MUC3A: variants seen among roughly 807,000 people sequenced by gnomAD.
MUC3A encodes mucin 3A, cell surface associated, also known as mucin-3A.
In MUC3A, 109 loss-of-function variants were observed where a neutral mutation model predicts 109.0. The observed-to-expected ratio is 1.00, with a 90% CI of 0.86 to 1.17. The LOEUF (loss-of-function observed/expected upper bound fraction) is 1.17, where lower values mean the gene tolerates loss of function less well. MUC3A is among the 50% of genes most tolerant of loss of function. MUC3A has a pLI of 0.00. For missense variants in MUC3A, 3,537 were observed against 2,469.4 expected, an observed-to-expected ratio of 1.43 and a Z score of -9.16; for synonymous variants, 1,398 against 981.4, an observed-to-expected ratio of 1.42 and a Z score of -7.93.
At position 100,959,491 on chromosome 7, in the gene MUC3A, T is replaced by C. The variant is rs753906068; in HGVS notation, c.7712T>C (p.Val2571Ala). ...TPISSFSTSI[V>A]VIPETPTQTP... is the part of the protein sequence containing the mutation. ...ATCAGTTCCTTTAGCACAAGTATTGTTGTTATACCTGAAACCCCAACACAG... is the reference window on the plus strand; with the variant it reads ...ATCAGTTCCTTTAGCACAAGTATTGCTGTTATACCTGAAACCCCAACACAG... Residue 2571 changes from valine to alanine, a missense_variant, in exon 2 of 12, where the codon GTT becomes GCT. Physicochemically the swap from Val to Ala is moderately conservative, Grantham distance 64. Transcript: ENST00000379458. 63 of 1,585,072 alleles carry C rather than the reference T, an allele frequency of 4.0e-5. No homozygotes were observed. The highest frequency in any genetic ancestry group is 5.4e-5 in the Non-Finnish European group (63 of 1,174,524).
At position 100,963,766 on chromosome 7, in the gene MUC3A, C is replaced by A; in HGVS notation, c.9233+14C>A. On this transcript the variant is annotated intron_variant, in intron 5 of 11. Transcript: ENST00000379458. ...CCTGTCCCTGAGGTAGGAGACCCATCTGGGGATGCGGAGGCGGTGTTGGGT... is the reference window on the plus strand; with the variant it reads ...CCTGTCCCTGAGGTAGGAGACCCATATGGGGATGCGGAGGCGGTGTTGGGT... 1 of 1,598,578 alleles carries A rather than the reference C, an allele frequency of 6.3e-7. No individual in the cohort carries two copies. Among genetic ancestry groups the A allele is most frequent in the Non-Finnish European group, 8.5e-7 (1 of 1,179,826 alleles).
chr7:100,955,852 C>G lies in MUC3A; in HGVS notation c.4073C>G (p.Ala1358Gly). ...TGQTTFPSST[A>G]TFLETTTLTP... ...CAGACCACCTTCCCCAGCTCTACAGCCACATTCCTTGAGACCACCACACTG... is the reference window on the plus strand; with the variant it reads ...CAGACCACCTTCCCCAGCTCTACAGGCACATTCCTTGAGACCACCACACTG... Residue 1358 changes from alanine (A) to glycine (G), a missense_variant, in exon 2 of 12, where the codon GCC (alanine) becomes GGC (glycine). Transcript: ENST00000379458. 1 of 473,468 alleles carries G rather than the reference C, an allele frequency of 2.1e-6. No homozygotes were observed. Among genetic ancestry groups the G allele is most frequent in the South Asian group, 5.1e-5 (1 of 19,580 alleles). The allele number at this position is 473,468 out of a possible 1,614,324, so 29.3% of individuals were successfully genotyped here.
At position 100,959,678 on chromosome 7, in the gene MUC3A, C is replaced by T; in HGVS notation, c.7899C>T (p.Ser2633=). ...CAACATCACAGGTTCCTATTCCTAGCACACATTCCTCCACCCTTCAAACAA... is the reference window on the plus strand; with the variant it reads ...CAACATCACAGGTTCCTATTCCTAGTACACATTCCTCCACCCTTCAAACAA... ...IVSTSQVPIP[S]THSSTLQTTP... The change falls in exon 2 of 12, where the codon AGC becomes AGT. Residue 2633 remains serine, a synonymous_variant. Coordinates refer to ENST00000379458, the MANE Select transcript of MUC3A (RefSeq NM_005960.2). The T allele has an allele frequency of 6.3e-7, 1 of 1,598,530 alleles. No individual in the cohort carries two copies.
rs1043941143 is a variant in MUC3A, at chr7:100,954,655, T to C, written c.2876T>C (p.Met959Thr). ...TTTSFTTSTM[M>T]EPPSSTVSTT... ...ACCTCATTTACCACATCCACAATGA[T>C]GGAACCACCTTCATCCACTGTATCA... The change falls in exon 2 of 12, where the codon ATG (methionine) becomes ACG (threonine). Residue 959 changes from methionine to threonine, a missense_variant. By Grantham distance (81) the Met-to-Thr change is moderately conservative (BLOSUM62 -1). Transcript: ENST00000379458. The C allele has an allele frequency of 1.3e-5, 5 of 395,444 alleles. No homozygotes were observed. The highest frequency in any genetic ancestry group is 2.2e-5 in the Non-Finnish European group (5 of 225,488). 24.5% of individuals were successfully genotyped at this position (395,444 alleles called of 1,614,324 possible).
chr7:100,951,568 T>C (rs77073976), intron 1 of MUC3A, among the ~76,000 whole-genome samples: 1 of 348 alleles, frequency 2.9e-3, no homozygotes, highest in South Asian at 0.062. Flanking sequence ...CTCGGCTATA[T>C]CAGGACAGGA....
chr7:100,955,872 A>G lies in MUC3A; in HGVS notation c.4093A>G (p.Thr1365Ala). Reference sequence around the variant, plus strand: ...TACAGCCACATTCCTTGAGACCACCACACTGACTCCTACAACTGACTTTTC... The same window carrying G: ...TACAGCCACATTCCTTGAGACCACCGCACTGACTCCTACAACTGACTTTTC... Reference protein sequence around the residue: ...SSTATFLETTTLTPTTDFSTE... With the variant: ...SSTATFLETTALTPTTDFSTE... The change falls in exon 2 of 12, where the codon ACA becomes GCA. Residue 1365 changes from threonine (T) to alanine (A), a missense_variant. Transcript: ENST00000379458. 2.2e-6 allele frequency: 1 copy of G among 460,914 alleles called. No homozygotes were observed. Among genetic ancestry groups the G allele is most frequent in the Non-Finnish European group, 3.8e-6 (1 of 262,710 alleles). The allele number at this position is 460,914 out of a possible 1,614,324, so 28.6% of individuals were successfully genotyped here.
intron 7 of MUC3A, 41 bp downstream of exon 7, chr7:100,965,388 T>C: frequency 6.3e-7 from 1 of 1,582,230 alleles, no homozygotes; most frequent in Non-Finnish European, 8.5e-7. Flanking sequence ...CCCGCGGCTA[T>C]GATCCGGGCT....
rs1443763215 is a variant in MUC3A at position 100,955,587 on chromosome 7, G to T, written c.3808G>T (p.Asp1270Tyr). ...PSLRPTITST[D>Y]STLTSSLLTT... is the part of the protein sequence containing the mutation. Reference sequence around the variant, plus strand: ...TTTGAGACCAACTATCACAAGTACTGACAGCACTCTAACAAGTTCCCTCCT... The same window carrying T: ...TTTGAGACCAACTATCACAAGTACTTACAGCACTCTAACAAGTTCCCTCCT... The change falls in exon 2 of 12, where the codon GAC becomes TAC. Residue 1270 changes from aspartate (D) to tyrosine (Y), a missense_variant. Physicochemically the swap from Asp to Tyr is radical, Grantham distance 160. Coordinates refer to ENST00000379458, the MANE Select transcript of MUC3A (RefSeq NM_005960.2). 2.6e-6 allele frequency: 1 copy of T among 383,574 alleles called. No homozygotes were observed. Among genetic ancestry groups the T allele is most frequent in the South Asian group, 7.6e-5 (1 of 13,238 alleles). 23.8% of individuals were successfully genotyped at this position (383,574 alleles called of 1,614,324 possible).
rs776993664 is a variant in MUC3A at position 100,965,865 on chromosome 7, C to G, written c.9610C>G (p.Arg3204Gly). The G allele has an allele frequency of 1.3e-6, 2 of 1,590,852 alleles. No homozygotes were observed. The highest frequency in any genetic ancestry group is 1.7e-6 in the Non-Finnish European group (2 of 1,174,600). Residue 3204 changes from arginine (R) to glycine (G), a missense_variant and splice_region_variant, in exon 8 of 12, where the codon CGC becomes GGC. Coordinates refer to ENST00000379458, the MANE Select transcript of MUC3A (RefSeq NM_005960.2). ...CVLETSGPTCRCYSTDTHWFS... is the reference protein window; with the variant it reads ...CVLETSGPTCGCYSTDTHWFS... The stretch of plus-strand genomic sequence containing the variant: ...TCTGGAGACGAGCGGTCCCACGTGT[C>G]GGTAAGGCCCCGCTCACCATCGGCA...
rs1792568615 is a variant in MUC3A, at chr7:100,966,526, G to C, written c.9752G>C (p.Arg3251Pro). The change falls in exon 9 of 12, where the codon CGC becomes CCC. Residue 3251 changes from arginine to proline, a missense_variant. Transcript: ENST00000379458. ...CTGGCGCTGGGCGTCCGGGCGGTGC[G>C]CTCCGGATGGTGGGGCGGCCAGCGC... ...LLLALGVRAV[R>P]SGWWGGQRRG... is the part of the protein sequence containing the mutation. The C allele has an allele frequency of 7.4e-7, 1 of 1,346,068 alleles. No individual in the cohort carries two copies. The highest frequency in any genetic ancestry group is 9.4e-7 in the Non-Finnish European group (1 of 1,060,108). 83.4% of individuals were successfully genotyped at this position (1,346,068 alleles called of 1,614,324 possible). A position where few individuals can be genotyped will look rare whatever the true frequency, so the allele number is the denominator to read the frequency against.
chr7:100,963,646 C>T (rs1278668662), intron 4 of MUC3A, 42 bp from the exon 5 acceptor site: 1 of 1,598,320 alleles, frequency 6.3e-7, no homozygotes, highest in Non-Finnish European at 8.5e-7. Flanking sequence ...CCCCTCAGGT[C>T]TGCAGGTTCG....
At chr7:100,961,138 C>T (rs1265970104) in intron 3 of MUC3A, 17 of 932,550 alleles carry the variant, frequency 1.8e-5, no homozygotes, top group Non-Finnish European at 2.2e-5. Flanking sequence ...TGGGACTACC[C>T]TCCCTCCTGG....
rs1340811903 is a variant in MUC3A at position 100,959,459 on chromosome 7, C to A, written c.7680C>A (p.Asn2560Lys). 2 of 1,566,410 alleles carry A rather than the reference C, an allele frequency of 1.3e-6. No individual in the cohort carries two copies. Among genetic ancestry groups the A allele is most frequent in the African/African-American group, 1.4e-5 (1 of 73,992 alleles). ...GAATGACCCTCAGAATTACTGAGAACACCCCAATCAGTTCCTTTAGCACAA... is the reference window on the plus strand; with the variant it reads ...GAATGACCCTCAGAATTACTGAGAAAACCCCAATCAGTTCCTTTAGCACAA... ...TVRMTLRITE[N>K]TPISSFSTSI... is the part of the protein sequence containing the mutation. Residue 2560 changes from asparagine (N) to lysine (K), a missense_variant, in exon 2 of 12, where the codon AAC (asparagine) becomes AAA (lysine). Physicochemically the swap from Asn to Lys is moderately conservative, Grantham distance 94. Coordinates refer to ENST00000379458, the MANE Select transcript of MUC3A (RefSeq NM_005960.2).
chr7:100,959,091 G>A lies in MUC3A; in HGVS notation c.7312G>A (p.Glu2438Lys), dbSNP rs79017193. ...AATCACCACCACTGAGACCACCTCAGAGAGTACTCCCAGCCTCAGTTCTTC... is the reference window on the plus strand; with the variant it reads ...AATCACCACCACTGAGACCACCTCAAAGAGTACTCCCAGCCTCAGTTCTTC... Reference protein sequence around the residue: ...SSITTTETTSESTPSLSSSTI... With the variant: ...SSITTTETTSKSTPSLSSSTI... Residue 2438 changes from glutamate to lysine, a missense_variant, in exon 2 of 12, where the codon GAG becomes AAG. By Grantham distance (56) the Glu-to-Lys change is moderately conservative. Transcript: ENST00000379458. 4 of 1,287,064 alleles carry A rather than the reference G, an allele frequency of 3.1e-6. No individual in the cohort carries two copies. In the Admixed American group the frequency reaches 1.0e-4, roughly 34 times the overall value. 79.7% of individuals were successfully genotyped at this position (1,287,064 alleles called of 1,614,324 possible).
rs1792150647 is a variant in MUC3A at position 100,958,135 on chromosome 7, TG to T, written c.6357del (p.Met2119IlefsTer46). 1.9e-6 allele frequency: 1 copy of T among 534,246 alleles called. No individual in the cohort carries two copies. The highest frequency in any genetic ancestry group is 2.4e-5 in the African/African-American group (1 of 41,368). 33.1% of individuals were successfully genotyped at this position (534,246 alleles called of 1,614,324 possible). On this transcript the variant is annotated frameshift_variant, in exon 2 of 12. Transcript: ENST00000379458. LOFTEE classifies it high-confidence loss of function. ...ACTTCCTCAATCACCACCTCTGAGATGCCCTCACACAGTACTCCCAGCTTCA... is the reference window on the plus strand; with the variant it reads ...ACTTCCTCAATCACCACCTCTGAGATCCCTCACACAGTACTCCCAGCTTCA... ...SFTSSITTSEMPSHSTPSFTS... is the reference protein window; with the variant it reads ...SFTSSITTSEXPSHSTPSFTS...
chr7:100,964,530 C>G, intron 5 of MUC3A, 165 bp from the exon 6 acceptor site: 1 of 1,179,814 alleles, frequency 8.5e-7, no homozygotes, highest in African/African-American at 1.5e-5. Flanking sequence ...CAGACCAAGT[C>G]AGGAATGCTG....
chr7:100,953,239 C>G lies in MUC3A; in HGVS notation c.1460C>G (p.Ser487Cys), dbSNP rs1171089286. 1 of 560,390 alleles carries G rather than the reference C, an allele frequency of 1.8e-6. No homozygotes were observed. Among genetic ancestry groups the G allele is most frequent in the Non-Finnish European group, 3.1e-6 (1 of 318,816 alleles). 34.7% of individuals were successfully genotyped at this position (560,390 alleles called of 1,614,324 possible). The change falls in exon 2 of 12, where the codon TCT (serine) becomes TGT (cysteine). Residue 487 changes from serine (S) to cysteine (C), a missense_variant. Physicochemically the swap from Ser to Cys is moderately radical, Grantham distance 112. Transcript: ENST00000379458. ...SSAMSTSVIP[S>C]SPSIQNTETS... Reference sequence around the variant, plus strand: ...GCAATGTCCACGAGTGTCATTCCATCTTCCCCCAGCATTCAGAATACAGAA... The same window carrying G: ...GCAATGTCCACGAGTGTCATTCCATGTTCCCCCAGCATTCAGAATACAGAA...
rs1038348347 is a variant in MUC3A, at chr7:100,953,020, C to T, written c.1241C>T (p.Ser414Phe). ...ACCATCTACTCCACAGTCAGCACAT[C>T]CACAACTGCCATCTCCTCACTTCCC... ...SSTIYSTVST[S>F]TTAISSLPPT... The change falls in exon 2 of 12, where the codon TCC (serine) becomes TTC (phenylalanine). Residue 414 changes from serine to phenylalanine, a missense_variant. Coordinates refer to ENST00000379458, the MANE Select transcript of MUC3A (RefSeq NM_005960.2). The T allele has an allele frequency of 1.8e-5, 28 of 1,563,916 alleles. No individual in the cohort carries two copies. In the Admixed American group the frequency reaches 1.8e-4, roughly 10 times the overall value.
intron 3 of MUC3A, among the ~76,000 whole-genome samples, chr7:100,962,354 G>C (rs549910072): frequency 1.3e-5 from 2 of 152,280 alleles, no homozygotes; most frequent in Non-Finnish European, 2.9e-5. Context: ...GGAGTTCAAG[G>C]CTGCAGTGAG....
Sources: gnomAD v4.1 joint callset for allele counts (sites outside exome capture counted in the v4.1 genomes callset) on GRCh38, gnomAD v4.1.1 for gene constraint, MANE v1.5 for transcripts, NCBI Gene and HGNC (gene_info 2026-07-23, HGNC 2026-07-21) for gene names.